The following ST8SIA1 variants were observed in gnomAD, a reference collection of about 807,000 sequenced individuals.
The protein encoded by ST8SIA1 is ST8 alpha-N-acetyl-neuraminide alpha-2,8-sialyltransferase 1.
ST8SIA1 carries 16 observed loss-of-function variants against 35.9 expected under a neutral mutation model. The observed-to-expected ratio is 0.45, with a 90% CI of 0.30 to 0.68. ST8SIA1 has a LOEUF of 0.68. Among genes scored for constraint, ST8SIA1 ranks in the 30% least tolerant of loss-of-function variants. The probability of loss-of-function intolerance (pLI) is 0.09; values close to 1 mark genes in which losing one functional copy is unlikely to be tolerated. For synonymous variants in ST8SIA1, 170 were observed against 169.6 expected (o/e 1.00, Z -0.02); for missense variants, 383 against 453.6 (o/e 0.84, Z 1.41).
chr12:22,262,765 G>A (rs1206528663), intron 2 of ST8SIA1, among the ~76,000 whole-genome samples: 1 of 152,178 alleles, frequency 6.6e-6, no homozygotes, highest in Non-Finnish European at 1.5e-5. Flanking sequence ...AGTTACAAGA[G>A]CCTTTGTGAG....
Position 22,201,816 on chromosome 12 carries a change from AT to A in ST8SIA1, c.806del (p.His269LeufsTer12). 6.2e-7 allele frequency: 1 copy of A among 1,614,158 alleles called. No homozygotes were observed. Among genetic ancestry groups the A allele is most frequent in the Non-Finnish European group, 8.5e-7 (1 of 1,179,990 alleles). ...AAAGTCCTGTGGACAGGCGCTTGGC[AT>A]GGATTCCTCTACTTTTCCAGAACTT... ...IGKFWKSRGI[H>X]AKRLSTGLFL... is the part of the protein sequence containing the mutation. On this transcript the variant is annotated frameshift_variant, in exon 5 of 5. Transcript: ENST00000396037. LOFTEE classifies it high-confidence loss of function.
chr12:22,321,781 T>C (rs979849693), intron 1 of ST8SIA1, among the ~76,000 whole-genome samples: 1 of 152,174 alleles, frequency 6.6e-6, no homozygotes, highest in African/African-American at 2.4e-5. Context: ...TTACCCCAAA[T>C]TGAGACTCAG....
chr12:22,314,956 C>A (rs915308708), intron 1 of ST8SIA1, among the ~76,000 whole-genome samples: 1 of 152,168 alleles, frequency 6.6e-6, no homozygotes, highest in Non-Finnish European at 1.5e-5. Flanking sequence ...ATTCAGCTAA[C>A]TCTCAACCAA....
intron 3 of ST8SIA1, among the ~76,000 whole-genome samples, chr12:22,249,559 T>C (rs1160664326): frequency 6.6e-6 from 1 of 151,870 alleles, no homozygotes; most frequent in Non-Finnish European, 1.5e-5. Flanking sequence ...GTTTTGTTTT[T>C]TACCACCTCT....
rs894823819 is a variant in ST8SIA1, at chr12:22,334,399, G to C, written c.-167C>G. 6 of 611,162 alleles carry C rather than the reference G, an allele frequency of 9.8e-6. No individual in the cohort carries two copies. The highest frequency in any genetic ancestry group is 1.4e-5 in the Non-Finnish European group (5 of 347,778). 37.9% of individuals were successfully genotyped at this position (611,162 alleles called of 1,614,324 possible). A position where few individuals can be genotyped will look rare whatever the true frequency, so the allele number is the denominator to read the frequency against. ...GGCCCCGTCGGCCCCAAAGGTCAGCGCAAGGATTTTTTCAAATGCAACTTT... is the reference window on the plus strand; with the variant it reads ...GGCCCCGTCGGCCCCAAAGGTCAGCCCAAGGATTTTTTCAAATGCAACTTT... On this transcript the variant is annotated 5_prime_UTR_variant, in exon 1 of 5. Transcript: ENST00000396037.
intron 4 of ST8SIA1, among the ~76,000 whole-genome samples, chr12:22,211,500 T>G (rs967486170): frequency 1.1e-4 from 16 of 152,204 alleles, no homozygotes; most frequent in African/African-American, 3.6e-4. Context: ...CTTGTGGACA[T>G]TCTAAGGATT....
intron 4 of ST8SIA1, among the ~76,000 whole-genome samples, chr12:22,221,359 C>T (rs1211846960): frequency 6.6e-6 from 1 of 152,064 alleles, no homozygotes; most frequent in Non-Finnish European, 1.5e-5. Flanking sequence ...ATAAAATAGG[C>T]AATCAAAAAC....
At chr12:22,318,837 T>C (rs1866549854) in intron 1 of ST8SIA1, among the ~76,000 whole-genome samples, 2 of 152,228 alleles carry the variant, frequency 1.3e-5, no homozygotes, top group Non-Finnish European at 1.5e-5. Context: ...AAGCCCTGAA[T>C]GCAAATGTGG....
intron 4 of ST8SIA1, among the ~76,000 whole-genome samples, chr12:22,212,715 C>A (rs1056595666): frequency 6.6e-6 from 1 of 152,168 alleles, no homozygotes; most frequent in Non-Finnish European, 1.5e-5. Flanking sequence ...AAGAATTTAG[C>A]TTACAGTTTA....
At chr12:22,204,035 C>T (rs1162497061) in intron 4 of ST8SIA1, among the ~76,000 whole-genome samples, 1 of 152,116 alleles carries the variant, frequency 6.6e-6, no homozygotes, top group African/African-American at 2.4e-5. Context: ...TTTCTGCATC[C>T]ATCTCTCACC....
At chr12:22,295,633 C>A (rs559606377) in intron 1 of ST8SIA1, among the ~76,000 whole-genome samples, 3 of 151,978 alleles carry the variant, frequency 2.0e-5, no homozygotes, top group Non-Finnish European at 4.4e-5. Context: ...ACTTGGGAAG[C>A]TGTTTGGAGG....
intron 1 of ST8SIA1, among the ~76,000 whole-genome samples, chr12:22,298,616 T>A (rs927659185): frequency 5.9e-5 from 9 of 152,222 alleles, no homozygotes; most frequent in African/African-American, 2.2e-4. Flanking sequence ...TTATATCACA[T>A]AAAGGTAATT....
intron 4 of ST8SIA1, among the ~76,000 whole-genome samples, chr12:22,218,665 C>A (rs67369330): frequency 1.7e-5 from 2 of 120,634 alleles, no homozygotes; most frequent in Non-Finnish European, 3.8e-5. Flanking sequence ...TGGTGGCAGG[C>A]GCCTATAATC....
intron 4 of ST8SIA1, among the ~76,000 whole-genome samples, chr12:22,225,397 G>A (rs1865345177): frequency 6.6e-6 from 1 of 151,976 alleles, no homozygotes; most frequent in Admixed American, 6.6e-5. Flanking sequence ...AGGCATGTGA[G>A]GACCAATTGC....
chr12:22,261,280 G>A (rs1306061271), intron 2 of ST8SIA1, among the ~76,000 whole-genome samples: 1 of 152,070 alleles, frequency 6.6e-6, no homozygotes, highest in Non-Finnish European at 1.5e-5. Context: ...GTGTAGCTGG[G>A]ATTACAGGTG....
intron 2 of ST8SIA1, among the ~76,000 whole-genome samples, chr12:22,259,894 C>T (rs1415088315): frequency 6.6e-6 from 1 of 152,116 alleles, no homozygotes; most frequent in African/African-American, 2.4e-5. Flanking sequence ...AGATGTTTTC[C>T]TTTATGAGTA....
chr12:22,203,553 C>T (rs1428397022), intron 4 of ST8SIA1, among the ~76,000 whole-genome samples: 1 of 152,198 alleles, frequency 6.6e-6, no homozygotes, highest in Non-Finnish European at 1.5e-5. Context: ...CAGTAGCCTG[C>T]TTTCTTGATC....
chr12:22,299,676 A>G (rs1288009305), intron 1 of ST8SIA1, among the ~76,000 whole-genome samples: 1 of 152,196 alleles, frequency 6.6e-6, no homozygotes, highest in Non-Finnish European at 1.5e-5. Flanking sequence ...AAAATTGATT[A>G]GAACAATAAA....
chr12:22,315,128 A>G (rs1866501043), intron 1 of ST8SIA1, among the ~76,000 whole-genome samples: 1 of 152,146 alleles, frequency 6.6e-6, no homozygotes, highest in Admixed American at 6.5e-5. Context: ...TGGAGATCAG[A>G]GACTATGCCT....
Sources: gnomAD v4.1 joint callset for allele counts (sites outside exome capture counted in the v4.1 genomes callset) on GRCh38, gnomAD v4.1.1 for gene constraint, MANE v1.5 for transcripts, NCBI Gene and HGNC (gene_info 2026-07-23, HGNC 2026-07-21) for gene names.